TPCN2: variants seen among roughly 807,000 people sequenced by gnomAD.
TPCN2 encodes the protein two pore channel protein 2.
TPCN2 carries 92 observed loss-of-function variants against 111.4 expected under a neutral mutation model. That is an observed-to-expected ratio of 0.83 (90% CI 0.70 to 0.98). TPCN2 has a LOEUF of 0.98. TPCN2 is among the 50% of genes least tolerant of loss of function. The probability of loss-of-function intolerance (pLI) is 0.00; values close to 1 mark genes in which losing one functional copy is unlikely to be tolerated. For synonymous variants in TPCN2, 405 were observed against 414.5 expected, an observed-to-expected ratio of 0.98 and a Z score of 0.28; for missense variants, 995 against 980.1, an observed-to-expected ratio of 1.02 and a Z score of -0.20.
chr11:69,077,020 T>A (rs1590740835), intron 13 of TPCN2, among the ~76,000 whole-genome samples: 1 of 53,890 alleles, frequency 1.9e-5, no homozygotes, highest in Non-Finnish European at 4.0e-5. Context: ...CCACCTGCCC[T>A]CCTGCCCTCC....
intron 13 of TPCN2, among the ~76,000 whole-genome samples, chr11:69,077,184 T>TTCC (rs1565091678): frequency 1.9e-4 from 1 of 5,378 alleles, no homozygotes; most frequent in South Asian, 6.5e-3. Context: ...CCGTGTCCCT[T>TTCC]CACCTGCCCT....
At chr11:69,070,607 A>G in intron 9 of TPCN2, 112 bp downstream of exon 9, 1 of 805,566 alleles carries the variant, frequency 1.2e-6, no homozygotes, top group Non-Finnish European at 2.0e-6. Context: ...TTTTCACTCC[A>G]GAGATCACCC....
chr11:69,072,359 TC>T (rs1855575258), intron 11 of TPCN2, among the ~76,000 whole-genome samples: 1 of 151,984 alleles, frequency 6.6e-6, no homozygotes. Context: ...CACACCACCA[TC>T]CTGCTTGGAA....
chr11:69,058,760 C>T (rs1341139209), intron 5 of TPCN2, among the ~76,000 whole-genome samples: 2 of 152,206 alleles, frequency 1.3e-5, no homozygotes, highest in South Asian at 2.1e-4. Flanking sequence ...CTCCCTGACT[C>T]GGCAGCTTCC....
At chr11:69,051,314 G>A (rs1182172174) in intron 1 of TPCN2, among the ~76,000 whole-genome samples, 1 of 152,260 alleles carries the variant, frequency 6.6e-6, no homozygotes, top group African/African-American at 2.4e-5. Flanking sequence ...ACAAGTCAGA[G>A]GACAAGGGAT....
chr11:69,072,734 C>G (rs770144867), intron 12 of TPCN2, 26 bp downstream of exon 12: 3 of 1,612,316 alleles, frequency 1.9e-6, no homozygotes, highest in African/African-American at 2.7e-5. Context: ...TCCCAGCCTC[C>G]TCTGGGCTCC....
chr11:69,079,742 ATG>A, intron 16 of TPCN2, 90 bp from the exon 17 acceptor site: 2 of 1,193,116 alleles, frequency 1.7e-6, no homozygotes, highest in Non-Finnish European at 2.4e-6. Flanking sequence ...TTTGGGGAGA[ATG>A]TGTTAGAGAT....
chr11:69,082,218 C>T lies in TPCN2; in HGVS notation c.1689+719C>T, dbSNP rs143506650. Among the ~76,000 whole-genome samples the T allele has an allele frequency of 3.2e-4, 49 of 152,350 alleles. No homozygotes were observed. The East Asian group carries it at 9.1e-3, about 28-fold the overall frequency. On this transcript the variant is annotated intron_variant, in intron 18 of 24. Coordinates refer to ENST00000294309, the MANE Select transcript of TPCN2 (RefSeq NM_139075.4). ...CTTCATACGCACACACACGCGCACA[C>T]GTGTTCACACATAATTACAGCCATA... is the stretch of plus-strand genomic sequence containing the variant.
At chr11:69,059,978 C>G (rs749248736) in intron 5 of TPCN2, among the ~76,000 whole-genome samples, 1 of 152,228 alleles carries the variant, frequency 6.6e-6, no homozygotes, top group South Asian at 2.1e-4. Context: ...GGGAAGAGGC[C>G]TAGCTGCATC....
chr11:69,085,910 A>C lies in TPCN2; in HGVS notation c.1983A>C (p.Ala661=). ...VVNNWQVFLD[A]YRRYSGPWSK... ...ACAACTGGCAGGTGTTTCTGGATGC[A>C]TATCGGCGCTACTCAGGCCCGTGAG... is the stretch of plus-strand genomic sequence containing the variant. The change falls in exon 22 of 25, where the codon GCA becomes GCC. Residue 661 remains alanine, a synonymous_variant. Coordinates refer to ENST00000294309, the MANE Select transcript of TPCN2 (RefSeq NM_139075.4). The C allele has an allele frequency of 2.5e-6, 4 of 1,614,154 alleles. No homozygotes were observed. Among genetic ancestry groups the C allele is most frequent in the Non-Finnish European group, 3.4e-6 (4 of 1,180,004 alleles).
At chr11:69,069,433 G>C (rs375247440) in intron 8 of TPCN2, among the ~76,000 whole-genome samples, 2 of 27,916 alleles carry the variant, frequency 7.2e-5, no homozygotes, top group Admixed American at 2.6e-4. Context: ...AGTGACCGCA[G>C]TGGGAGCAGG....
chr11:69,064,929 CTGTG>C (rs36072808), intron 7 of TPCN2, among the ~76,000 whole-genome samples: 2 of 149,524 alleles, frequency 1.3e-5, no homozygotes, highest in African/African-American at 4.9e-5. Flanking sequence ...GTCTGTATGT[CTGTG>C]TGTGTGTTTG....
rs3750973 is a variant in TPCN2, at chr11:69,057,569, A to C, written c.430-9A>C. On this transcript the variant is annotated splice_polypyrimidine_tract_variant and intron_variant, in intron 4 of 24. Coordinates refer to ENST00000294309, the MANE Select transcript of TPCN2 (RefSeq NM_139075.4). Reference sequence around the variant, plus strand: ...CTACTTGCTGCTCACCCGCCCGTCTATCTTGCAGGGTTACCTGTTCGGGTG... The same window carrying C: ...CTACTTGCTGCTCACCCGCCCGTCTCTCTTGCAGGGTTACCTGTTCGGGTG... 1,526,129 of 1,613,768 alleles carry C rather than the reference A, an allele frequency of 0.95. 733,549 individuals are homozygous for C. Among genetic ancestry groups the C allele is most frequent in the Non-Finnish European group, 0.99 (1,172,297 of 1,179,764 alleles).
At chr11:69,068,304 T>G (rs1192146853) in intron 8 of TPCN2, among the ~76,000 whole-genome samples, 7 of 144,708 alleles carry the variant, frequency 4.8e-5, no homozygotes, top group Admixed American at 2.7e-4. Flanking sequence ...GTGACCGCAC[T>G]GGGAGCAGGG....
chr11:69,084,921 GC>G, intron 19 of TPCN2: 1 of 640,620 alleles, frequency 1.6e-6, no homozygotes, highest in South Asian at 7.0e-5. Flanking sequence ...GGGTTGGCGG[GC>G]AGCCTGTCCC....
Position 69,048,988 on chromosome 11 carries a change from G to C in TPCN2, c.-10G>C. 2 of 1,234,636 alleles carry C rather than the reference G, an allele frequency of 1.6e-6. No individual in the cohort carries two copies. The highest frequency in any genetic ancestry group is 4.1e-5 in the South Asian group (1 of 24,456). The allele number at this position is 1,234,636 out of a possible 1,614,324, so 76.5% of individuals were successfully genotyped here. A position where few individuals can be genotyped will look rare whatever the true frequency, so the allele number is the denominator to read the frequency against. On this transcript the variant is annotated 5_prime_UTR_variant, in exon 1 of 25. Transcript: ENST00000294309. Reference sequence around the variant, plus strand: ...CTTCTGAGGGTCGGGTCCAGCGCGTGGGCTGCTGGATGGCGGAACCCCAGG... The same window carrying C: ...CTTCTGAGGGTCGGGTCCAGCGCGTCGGCTGCTGGATGGCGGAACCCCAGG...
chr11:69,063,760 G>A (rs1855129125), intron 6 of TPCN2, 135 bp from the exon 7 acceptor site: 1 of 760,738 alleles, frequency 1.3e-6, no homozygotes, highest in Non-Finnish European at 2.2e-6. Flanking sequence ...GGGGAGAGGG[G>A]GACCCAGCTG....
chr11:69,073,714 C>T (rs1446626977), intron 13 of TPCN2, among the ~76,000 whole-genome samples: 1 of 152,226 alleles, frequency 6.6e-6, no homozygotes, highest in Non-Finnish European at 1.5e-5. Context: ...CCTCCTGAGG[C>T]CCCTCTCAGT....
chr11:69,083,865 G>C, intron 18 of TPCN2, 80 bp from the exon 19 acceptor site: 1 of 1,376,054 alleles, frequency 7.3e-7, no homozygotes, highest in South Asian at 1.2e-5. Flanking sequence ...CTTTCTGTCA[G>C]GGTCAGCGTG....
Sources: gnomAD v4.1 joint callset for allele counts (sites outside exome capture counted in the v4.1 genomes callset) on GRCh38, gnomAD v4.1.1 for gene constraint, MANE v1.5 for transcripts, NCBI Gene and HGNC (gene_info 2026-07-23, HGNC 2026-07-21) for gene names.